ARHGEF26: variants seen among roughly 807,000 people sequenced by gnomAD.
ARHGEF26 encodes the protein Rho guanine nucleotide exchange factor (GEF) 26.
A neutral mutation model predicts 89.4 loss-of-function variants in ARHGEF26; 59 were observed. The ratio of observed to expected loss-of-function variants is 0.66; its 90% CI spans 0.54 to 0.82. The LOEUF is 0.82. Among genes scored for constraint, ARHGEF26 ranks in the 40% least tolerant of loss-of-function variants. ARHGEF26 has a pLI of 0.00. For synonymous variants in ARHGEF26, 500 were observed against 428.4 expected (o/e 1.17, Z -2.06); for missense variants, 1,234 against 1,085.6 (o/e 1.14, Z -1.92).
intron 4 of ARHGEF26, among the ~76,000 whole-genome samples, chr3:154,138,177 A>T (rs942532049): frequency 6.6e-6 from 1 of 152,204 alleles, no homozygotes; most frequent in African/African-American, 2.4e-5. Context: ...ATGCTTTAAG[A>T]ATCTAATAAA....
At chr3:154,239,315 TG>T (rs1559920728) in intron 11 of ARHGEF26, among the ~76,000 whole-genome samples, 1 of 146,840 alleles carries the variant, frequency 6.8e-6, no homozygotes, top group African/African-American at 2.5e-5. Flanking sequence ...TGTGTGTGTG[TG>T]TGTGTGTGTG....
chr3:154,161,734 A>G (rs1175584284), intron 6 of ARHGEF26, among the ~76,000 whole-genome samples: 7 of 152,208 alleles, frequency 4.6e-5, no homozygotes, highest in Non-Finnish European at 1.0e-4. Context: ...CATTGAGTGA[A>G]TCAAAGTAAA....
At position 154,187,822 on chromosome 3, in the gene ARHGEF26, C is replaced by T. The variant is rs1324729094; in HGVS notation, c.1625C>T (p.Thr542Ile). The T allele has an allele frequency of 6.2e-7, 1 of 1,608,884 alleles. No individual in the cohort carries two copies. Among genetic ancestry groups the T allele is most frequent in the Non-Finnish European group, 8.5e-7 (1 of 1,177,260 alleles). The change falls in exon 7 of 15, where the codon ACA (threonine) becomes ATA (isoleucine). Residue 542 changes from threonine (T) to isoleucine (I), a missense_variant. Transcript: ENST00000465093. ...ACAAATGAAGTCTACCAACAACGAACACTACAAAAATTGTTGTAAGCAATG... is the reference window on the plus strand; with the variant it reads ...ACAAATGAAGTCTACCAACAACGAATACTACAAAAATTGTTGTAAGCAATG... ...YCTNEVYQQR[T>I]LQKLLATNPS... is the part of the protein sequence containing the mutation.
intron 6 of ARHGEF26, among the ~76,000 whole-genome samples, chr3:154,166,964 T>C (rs1043460037): frequency 6.6e-6 from 1 of 152,172 alleles, no homozygotes; most frequent in Admixed American, 6.5e-5. Flanking sequence ...ATACACACTG[T>C]ATGCACCAGT....
At chr3:154,186,430 T>C (rs1412177122) in intron 6 of ARHGEF26, among the ~76,000 whole-genome samples, 1 of 152,096 alleles carries the variant, frequency 6.6e-6, no homozygotes, top group Non-Finnish European at 1.5e-5. Flanking sequence ...TATATCTATT[T>C]AGGTGACCCT....
chr3:154,190,030 T>TAAA (rs917008468), intron 7 of ARHGEF26, among the ~76,000 whole-genome samples: 2 of 151,700 alleles, frequency 1.3e-5, no homozygotes, highest in Non-Finnish European at 2.9e-5. Context: ...ACATTTTTTT[T>TAAA]AAAAAAAATG....
In ARHGEF26 at chr3:154,256,323, A is replaced by G. The variant is rs1050581120; in HGVS notation, c.*850A>G. The G allele has an allele frequency of 3.3e-6, 3 of 922,994 alleles. No individual in the cohort carries two copies. The highest frequency in any genetic ancestry group is 3.6e-5 in the African/African-American group (2 of 55,528). The allele number at this position is 922,994 out of a possible 1,614,324, so 57.2% of individuals were successfully genotyped here. On this transcript the variant is annotated 3_prime_UTR_variant, in exon 15 of 15. Coordinates refer to ENST00000465093, the MANE Select transcript of ARHGEF26 (RefSeq NM_015595.4). ...CTGCAACCTCTGCTTCCTAGGTTCAAGTGATTCTCCTGCCTCAGCCTCCCA... is the reference window on the plus strand; with the variant it reads ...CTGCAACCTCTGCTTCCTAGGTTCAGGTGATTCTCCTGCCTCAGCCTCCCA...
intron 4 of ARHGEF26, among the ~76,000 whole-genome samples, chr3:154,147,817 C>G (rs761223220): frequency 6.6e-6 from 1 of 152,136 alleles, no homozygotes; most frequent in African/African-American, 2.4e-5. Context: ...CTCCCTTCCT[C>G]TCTGCCTTTC....
chr3:154,208,265 TAAAAC>T (rs1400990041), intron 9 of ARHGEF26, among the ~76,000 whole-genome samples: 2 of 152,134 alleles, frequency 1.3e-5, no homozygotes, highest in African/African-American at 4.8e-5. Context: ...ACGTTGGAAA[TAAAAC>T]AAAAACTGGG....
At chr3:154,181,248 G>A (rs959998708) in intron 6 of ARHGEF26, among the ~76,000 whole-genome samples, 1 of 152,112 alleles carries the variant, frequency 6.6e-6, no homozygotes, top group African/African-American at 2.4e-5. Flanking sequence ...CACATACTTC[G>A]CTGCCACTTA....
intron 9 of ARHGEF26, among the ~76,000 whole-genome samples, chr3:154,200,419 G>A (rs1714556984): frequency 6.6e-6 from 1 of 152,034 alleles, no homozygotes; most frequent in African/African-American, 2.4e-5. Context: ...ACTGGCCTAT[G>A]TGTCTGTTTT....
At chr3:154,194,839 C>T in intron 9 of ARHGEF26, 121 bp downstream of exon 9, 1 of 792,726 alleles carries the variant, frequency 1.3e-6, no homozygotes, top group Non-Finnish European at 2.1e-6. Context: ...GTACAGCGTT[C>T]TTTAGGTAGT....
chr3:154,201,112 C>G (rs1714603185), intron 9 of ARHGEF26, among the ~76,000 whole-genome samples: 1 of 152,000 alleles, frequency 6.6e-6, no homozygotes, highest in African/African-American at 2.4e-5. Context: ...ATTAACTCTT[C>G]ATTTAATATT....
chr3:154,128,645 C>T (rs968241026), intron 3 of ARHGEF26, among the ~76,000 whole-genome samples: 2 of 152,172 alleles, frequency 1.3e-5, no homozygotes, highest in Admixed American at 6.5e-5. Flanking sequence ...AGACTCATGC[C>T]CCAGGGCTTT....
At chr3:154,196,840 A>G (rs1041379826) in intron 9 of ARHGEF26, among the ~76,000 whole-genome samples, 3 of 152,126 alleles carry the variant, frequency 2.0e-5, no homozygotes, top group African/African-American at 4.8e-5. Flanking sequence ...AGTCTTGGAC[A>G]TAAATGGGAT....
chr3:154,216,244 TC>T (rs991349202), intron 9 of ARHGEF26, among the ~76,000 whole-genome samples: 5 of 151,988 alleles, frequency 3.3e-5, no homozygotes, highest in African/African-American at 1.2e-4. Flanking sequence ...CATTTTTTTT[TC>T]CAGATTTTCC....
At chr3:154,157,386 C>T (rs1720399478) in intron 6 of ARHGEF26, among the ~76,000 whole-genome samples, 1 of 152,070 alleles carries the variant, frequency 6.6e-6, no homozygotes, top group African/African-American at 2.4e-5. Context: ...TTTAAAGGCC[C>T]TTGGTGAAAA....
In ARHGEF26 at chr3:154,122,809, A is replaced by G. The variant is rs1222443865; in HGVS notation, c.817A>G (p.Lys273Glu). 1.2e-6 allele frequency: 2 copies of G among 1,612,254 alleles called. No homozygotes were observed. Among genetic ancestry groups the G allele is most frequent in the Non-Finnish European group, 1.7e-6 (2 of 1,179,144 alleles). Residue 273 changes from lysine to glutamate, a missense_variant, in exon 2 of 15, where the codon AAG becomes GAG. By Grantham distance (56) the Lys-to-Glu change is moderately conservative. Coordinates refer to ENST00000465093, the MANE Select transcript of ARHGEF26 (RefSeq NM_015595.4). Reference protein sequence around the residue: ...KSNNQNVEPHKRLLKVRSMVE... With the variant: ...KSNNQNVEPHERLLKVRSMVE... Reference sequence around the variant, plus strand: ...CAACAATCAAAATGTGGAGCCCCACAAGAGACTCCTCAAGGTGCGCAGCAT... The same window carrying G: ...CAACAATCAAAATGTGGAGCCCCACGAGAGACTCCTCAAGGTGCGCAGCAT...
At chr3:154,215,605 C>G (rs1046863411) in intron 9 of ARHGEF26, among the ~76,000 whole-genome samples, 2 of 151,970 alleles carry the variant, frequency 1.3e-5, no homozygotes, top group East Asian at 3.9e-4. Flanking sequence ...ATTTATTGCT[C>G]ACAGTTGTGG....
Sources: gnomAD v4.1 joint callset for allele counts (sites outside exome capture counted in the v4.1 genomes callset) on GRCh38, gnomAD v4.1.1 for gene constraint, MANE v1.5 for transcripts, NCBI Gene and HGNC (gene_info 2026-07-23, HGNC 2026-07-21) for gene names.